TMEM132D: variants seen among roughly 807,000 people sequenced by gnomAD.
TMEM132D encodes mature OL transmembrane protein.
TMEM132D carries 21 observed loss-of-function variants against 62.3 expected under a neutral mutation model. The observed-to-expected ratio is 0.34, with a 90% CI of 0.24 to 0.49. The LOEUF is 0.49. Among genes scored for constraint, TMEM132D ranks in the 20% least tolerant of loss-of-function variants. TMEM132D has a pLI of 0.99. For synonymous variants in TMEM132D, 621 were observed against 575.6 expected (o/e 1.08, Z -1.13); for missense variants, 1,346 against 1,402.8 (o/e 0.96, Z 0.65).
At chr12:129,715,911 T>C (rs1277787226) in intron 1 of TMEM132D, among the ~76,000 whole-genome samples, 1 of 152,142 alleles carries the variant, frequency 6.6e-6, no homozygotes, top group African/African-American at 2.4e-5. Flanking sequence ...AATTACCCAC[T>C]GGGGCCCATC....
intron 1 of TMEM132D, among the ~76,000 whole-genome samples, chr12:129,755,845 T>C (rs1870151593): frequency 6.6e-6 from 1 of 152,148 alleles, no homozygotes; most frequent in Non-Finnish European, 1.5e-5. Context: ...ATCTATCGTC[T>C]TAGAGTCAAA....
At chr12:129,082,175 T>G in intron 6 of TMEM132D, 143 bp from the exon 7 acceptor site, 1 of 1,019,096 alleles carries the variant, frequency 9.8e-7, no homozygotes, top group South Asian at 1.6e-5. Context: ...GAGGTGAACT[T>G]CAGATACTAA....
At chr12:129,556,183 A>G (rs577654713) in intron 2 of TMEM132D, among the ~76,000 whole-genome samples, 28 of 152,094 alleles carry the variant, frequency 1.8e-4, no homozygotes, top group African/African-American at 6.8e-4. Flanking sequence ...AGGCTTTGGG[A>G]AGAACAGTCA....
chr12:129,323,015 C>A (rs777150719), intron 4 of TMEM132D, among the ~76,000 whole-genome samples: 1 of 152,110 alleles, frequency 6.6e-6, no homozygotes, highest in Non-Finnish European at 1.5e-5. Flanking sequence ...AATAGATCTG[C>A]GTGGAACCAT....
At chr12:129,303,027 C>T (rs1881761361) in intron 4 of TMEM132D, among the ~76,000 whole-genome samples, 1 of 152,154 alleles carries the variant, frequency 6.6e-6, no homozygotes, top group Non-Finnish European at 1.5e-5. Flanking sequence ...AAGCACGGGT[C>T]CTTAATTCCA....
chr12:129,748,600 T>C (rs373625037), intron 1 of TMEM132D, among the ~76,000 whole-genome samples: 15 of 152,082 alleles, frequency 9.9e-5, no homozygotes, highest in African/African-American at 3.1e-4. Context: ...GTTCAATATA[T>C]AGCTGGAAAG....
intron 3 of TMEM132D, among the ~76,000 whole-genome samples, chr12:129,477,079 C>T (rs962518890): frequency 6.6e-6 from 1 of 152,148 alleles, no homozygotes; most frequent in African/African-American, 2.4e-5. Context: ...TGCACAAGAA[C>T]TTTAAAAATT....
rs544786774 is a variant in TMEM132D, at chr12:129,275,738, G to A, written c.1299+61896C>T. On this transcript the variant is annotated intron_variant, in intron 4 of 8. Coordinates refer to ENST00000422113, the MANE Select transcript of TMEM132D (RefSeq NM_133448.3). ...AGTTGCTAAAGCAATGCCTGGAAGC[G>A]GGGATCTCACCTGCCTGGAGGAGCA... 1.6e-4 allele frequency among the ~76,000 whole-genome samples: 24 copies of A among 152,306 alleles called. No homozygotes were observed. The South Asian group carries it at 2.9e-3, about 18-fold the overall frequency.
chr12:129,556,305 C>G (rs1017957695), intron 2 of TMEM132D, among the ~76,000 whole-genome samples: 1 of 152,176 alleles, frequency 6.6e-6, no homozygotes, highest in African/African-American at 2.4e-5. Context: ...GCCTCTGCCA[C>G]CACCCCTGCC....
intron 3 of TMEM132D, among the ~76,000 whole-genome samples, chr12:129,348,848 A>G: frequency 6.6e-6 from 1 of 152,074 alleles, no homozygotes; most frequent in East Asian, 1.9e-4. Flanking sequence ...GGGGCCCGAG[A>G]CCTTCCACCA....
intron 2 of TMEM132D, among the ~76,000 whole-genome samples, chr12:129,656,515 C>T (rs890836815): frequency 2.0e-5 from 3 of 152,114 alleles, no homozygotes; most frequent in African/African-American, 4.8e-5. Flanking sequence ...CACTCAAGGA[C>T]TCTAGCCTCA....
rs1228508082 is a variant in TMEM132D at position 129,088,118 on chromosome 12, C to T, written c.1444-3416G>A. 6.8e-5 allele frequency among the ~76,000 whole-genome samples: 2 copies of T among 29,486 alleles called. 1 individual carries two copies. The highest frequency in any genetic ancestry group is 2.6e-3 in the South Asian group (2 of 774). 19.3% of individuals were successfully genotyped at this position (29,486 alleles called of 152,430 possible). A position where few individuals can be genotyped will look rare whatever the true frequency, so the allele number is the denominator to read the frequency against. ...CCCTGACCGGGGTGTCCTCCCTGAC[C>T]GGGTGTCCTCCATGACCGGGGTGTC... is the stretch of plus-strand genomic sequence containing the variant. On this transcript the variant is annotated intron_variant, in intron 5 of 8. Coordinates refer to ENST00000422113, the MANE Select transcript of TMEM132D (RefSeq NM_133448.3).
Position 129,466,824 on chromosome 12 carries a change from G to C in TMEM132D, c.1115+64235C>G, listed in dbSNP as rs148531639. Among the ~76,000 whole-genome samples, 3 of 152,250 alleles carry C rather than the reference G, an allele frequency of 2.0e-5. No homozygotes were observed. The East Asian group carries it at 5.8e-4, about 29-fold the overall frequency. ...CCTTCCCCTGTAGCTTGTTTCCGGA[G>C]CTCATCTTCATCCTTCAACACTCAG... On this transcript the variant is annotated intron_variant, in intron 3 of 8. Transcript: ENST00000422113.
At chr12:129,099,051 A>T (rs1260949589) in intron 5 of TMEM132D, among the ~76,000 whole-genome samples, 1 of 152,194 alleles carries the variant, frequency 6.6e-6, no homozygotes, top group African/African-American at 2.4e-5. Context: ...AAAGATGGAA[A>T]TCTGTCAACA....
rs372677479 is a variant in TMEM132D, at chr12:129,371,284, C to CGAT, written c.1116-33470_1116-33468dup. On this transcript the variant is annotated intron_variant, in intron 3 of 8. Coordinates refer to ENST00000422113, the MANE Select transcript of TMEM132D (RefSeq NM_133448.3). The surrounding 1 kb of genome is among the most constrained non-coding windows in gnomAD (Gnocchi z 4.3). ...ATGATGATGAAGGTGGTGTTGGTGACGATGATGATGATGATGGAGATAATG... is the reference window on the plus strand; with the variant it reads ...ATGATGATGAAGGTGGTGTTGGTGACGATGATGATGATGATGATGGAGATAATG... Among the ~76,000 whole-genome samples, 1 of 150,900 alleles carries CGAT rather than the reference C, an allele frequency of 6.6e-6. No homozygotes were observed. Among genetic ancestry groups the CGAT allele is most frequent in the African/African-American group, 2.4e-5 (1 of 40,962 alleles).
chr12:129,338,552 C>T (rs1347614879), intron 3 of TMEM132D, among the ~76,000 whole-genome samples: 1 of 152,152 alleles, frequency 6.6e-6, no homozygotes, highest in African/African-American at 2.4e-5. Context: ...ATGATGTCTG[C>T]TCTTCTATGT....
At chr12:129,823,053 C>T (rs1476612792) in intron 1 of TMEM132D, among the ~76,000 whole-genome samples, 1 of 152,150 alleles carries the variant, frequency 6.6e-6, no homozygotes, top group Non-Finnish European at 1.5e-5. Context: ...GTGAGTGAGT[C>T]ATCGTGAGAT....
intron 4 of TMEM132D, among the ~76,000 whole-genome samples, chr12:129,254,831 G>C (rs1880360082): frequency 6.6e-6 from 1 of 152,096 alleles, no homozygotes; most frequent in African/African-American, 2.4e-5. Context: ...CAGTCTTCCT[G>C]GCCTTGAATT....
intron 1 of TMEM132D, among the ~76,000 whole-genome samples, chr12:129,809,403 C>T (rs930088181): frequency 6.6e-6 from 1 of 151,922 alleles, no homozygotes; most frequent in African/African-American, 2.4e-5. Flanking sequence ...ATAAATCACT[C>T]CAAGGGGAAG....
Sources: gnomAD v4.1 joint callset for allele counts (sites outside exome capture counted in the v4.1 genomes callset) on GRCh38, gnomAD v4.1.1 for gene constraint, Gnocchi (gnomAD v3.1) non-coding constraint, MANE v1.5 for transcripts, NCBI Gene and HGNC (gene_info 2026-07-23, HGNC 2026-07-21) for gene names.